INVS: variants seen among roughly 807,000 people sequenced by gnomAD.
The protein encoded by INVS is inversin, also known as inversion of embryo turning homolog.
A neutral mutation model predicts 108.8 loss-of-function variants in INVS; 86 were observed. That is an observed-to-expected ratio of 0.79 (90% CI 0.66 to 0.95). The LOEUF is 0.95. Ranked by LOEUF, INVS falls within the 40% of genes least tolerant of loss-of-function variation. The probability of loss-of-function intolerance (pLI) is 0.00; values close to 1 mark genes in which losing one functional copy is unlikely to be tolerated. For missense variants in INVS, 1,169 were observed against 1,297.4 expected (o/e 0.90, Z 1.52); for synonymous variants, 455 against 473.5 (o/e 0.96, Z 0.51).
At chr9:100,205,918 A>T (rs1830662546) in intron 3 of INVS, among the ~76,000 whole-genome samples, 1 of 152,114 alleles carries the variant, frequency 6.6e-6, no homozygotes, top group Non-Finnish European at 1.5e-5. Context: ...GTTAGAAGGA[A>T]TCCTAGAAAT....
intron 3 of INVS, among the ~76,000 whole-genome samples, chr9:100,144,872 T>C (rs542280903): frequency 5.8e-4 from 88 of 151,446 alleles, no homozygotes; most frequent in Middle Eastern, 3.4e-3. Flanking sequence ...AGAAGGAGGA[T>C]TGGGGAGGAA....
intron 5 of INVS, among the ~76,000 whole-genome samples, chr9:100,232,197 G>A (rs1250231416): frequency 1.3e-5 from 2 of 151,144 alleles, no homozygotes; most frequent in East Asian, 1.9e-4. Context: ...ACTTTTTAAT[G>A]AGTTTTTTTT....
Position 100,273,042 on chromosome 9 carries a change from A to C in INVS, c.1750A>C (p.Lys584Gln). ...AFRDRKNLLM[K>Q]HEQLRKDAAA... is the part of the protein sequence containing the mutation. Reference sequence around the variant, plus strand: ...CCGAGACAGGAAAAATCTCCTCATGAAGCATGAACAGTTGAGAAAAGATGC... The same window carrying C: ...CCGAGACAGGAAAAATCTCCTCATGCAGCATGAACAGTTGAGAAAAGATGC... The change falls in exon 12 of 17, where the codon AAG becomes CAG. Residue 584 changes from lysine to glutamine, a missense_variant. Physicochemically the swap from Lys to Gln is moderately conservative, Grantham distance 53 (BLOSUM62 1). This residue lies in a region of INVS where 271 missense variants were observed against 363.8 expected (regional missense o/e 0.74). Coordinates refer to ENST00000262457, the MANE Select transcript of INVS (RefSeq NM_014425.5). 1 of 1,614,072 alleles carries C rather than the reference A, an allele frequency of 6.2e-7. No homozygotes were observed. Among genetic ancestry groups the C allele is most frequent in the Non-Finnish European group, 8.5e-7 (1 of 1,180,006 alleles).
intron 16 of INVS, among the ~76,000 whole-genome samples, chr9:100,299,553 A>AC: frequency 1.2e-5 from 1 of 82,736 alleles, no homozygotes; most frequent in Non-Finnish European, 2.4e-5. Context: ...TTATTGACAC[A>AC]CAACACACAC....
chr9:100,254,634 T>C (rs1357758360), intron 10 of INVS, among the ~76,000 whole-genome samples: 1 of 152,218 alleles, frequency 6.6e-6, no homozygotes, highest in Non-Finnish European at 1.5e-5. Flanking sequence ...TTTCTACATG[T>C]GGCTAGCCAG....
chr9:100,240,805 C>G (rs1831846285), intron 6 of INVS, among the ~76,000 whole-genome samples: 1 of 151,392 alleles, frequency 6.6e-6, no homozygotes, highest in Admixed American at 6.6e-5. Flanking sequence ...TTCCTGCTAT[C>G]TTTCTATTCT....
At chr9:100,279,048 T>C (rs1337478901) in intron 12 of INVS, among the ~76,000 whole-genome samples, 1 of 152,190 alleles carries the variant, frequency 6.6e-6, no homozygotes, top group Non-Finnish European at 1.5e-5. Flanking sequence ...GAAGAACAAA[T>C]GCAGGTAAAT....
Position 100,253,028 on chromosome 9 carries a change from G to C in INVS, c.1356G>C (p.Gln452His), listed in dbSNP as rs1193824193. 2 of 1,613,886 alleles carry C rather than the reference G, an allele frequency of 1.2e-6. No individual in the cohort carries two copies. ...LIENKINPNV[Q>H]DYAGRTPLQC... ...AAAATAAGATCAATCCAAATGTCCA[G>C]GATTATGCAGGAAGAACCCCTTTGC... is the stretch of plus-strand genomic sequence containing the variant. Residue 452 changes from glutamine to histidine, a missense_variant, in exon 10 of 17, where the codon CAG (glutamine) becomes CAC (histidine). Physicochemically the swap from Gln to His is conservative, Grantham distance 24. This residue lies in a region of INVS where 271 missense variants were observed against 363.8 expected (regional missense o/e 0.74). Transcript: ENST00000262457.
chr9:100,269,996 A>G (rs1011003864), intron 11 of INVS, among the ~76,000 whole-genome samples: 5 of 152,210 alleles, frequency 3.3e-5, no homozygotes, highest in Admixed American at 6.5e-5. Context: ...CAAGTCTGCA[A>G]CGTATTACAT....
chr9:100,249,318 G>C (rs1832147409), intron 8 of INVS, among the ~76,000 whole-genome samples: 1 of 151,948 alleles, frequency 6.6e-6, no homozygotes, highest in Admixed American at 6.6e-5. Flanking sequence ...TTAGTTTTAA[G>C]GTGACTTCTA....
intron 12 of INVS, 23 bp from the exon 13 acceptor site, chr9:100,284,294 ATCT>A (rs1399545448): frequency 5.0e-6 from 8 of 1,612,912 alleles, no homozygotes; most frequent in South Asian, 1.1e-5. Flanking sequence ...AAATTTTTTC[ATCT>A]TCTTCTTTGG....
chr9:100,117,619 C>T (rs1466431986), intron 2 of INVS: 1 of 635,106 alleles, frequency 1.6e-6, no homozygotes, highest in Non-Finnish European at 2.7e-6. Context: ...GCCCCCCCCG[C>T]CCACCTCCCG....
intron 3 of INVS, among the ~76,000 whole-genome samples, chr9:100,147,207 C>G (rs1477806535): frequency 2.0e-5 from 3 of 152,148 alleles, no homozygotes; most frequent in Non-Finnish European, 4.4e-5. Context: ...CTTCTGTAGA[C>G]CTCTATAGGC....
intron 3 of INVS, among the ~76,000 whole-genome samples, chr9:100,205,981 G>A (rs1044198220): frequency 3.9e-5 from 6 of 152,060 alleles, no homozygotes; most frequent in Admixed American, 3.3e-4. Context: ...GACAGTTTGT[G>A]AATCATGCTC....
chr9:100,160,650 A>G (rs1829140681), intron 3 of INVS, among the ~76,000 whole-genome samples: 1 of 151,912 alleles, frequency 6.6e-6, no homozygotes, highest in South Asian at 2.1e-4. Flanking sequence ...ACATTTAAAT[A>G]TCCCACTGTA....
chr9:100,256,314 T>C (rs1224508813), intron 10 of INVS, among the ~76,000 whole-genome samples: 1 of 152,240 alleles, frequency 6.6e-6, no homozygotes, highest in Non-Finnish European at 1.5e-5. Flanking sequence ...TTTTCTTCTT[T>C]ATTAGTCTTG....
chr9:100,241,862 A>G (rs1831884643), intron 6 of INVS, among the ~76,000 whole-genome samples: 1 of 152,154 alleles, frequency 6.6e-6, no homozygotes, highest in Non-Finnish European at 1.5e-5. Context: ...TCTGAAAGCA[A>G]TAGAGTGTAT....
At chr9:100,202,076 A>T (rs1164464567) in intron 3 of INVS, among the ~76,000 whole-genome samples, 1 of 148,328 alleles carries the variant, frequency 6.7e-6, no homozygotes, top group Non-Finnish European at 1.5e-5. Context: ...GGTGTTGAAA[A>T]GCAGTTATTA....
At chr9:100,189,386 T>A (rs1464937267) in intron 3 of INVS, among the ~76,000 whole-genome samples, 1 of 151,976 alleles carries the variant, frequency 6.6e-6, no homozygotes, top group Non-Finnish European at 1.5e-5. Context: ...CTAAAAACTT[T>A]CCTCTTACTA....
Sources: allele counts gnomAD v4.1 joint callset (sites outside exome capture counted in the v4.1 genomes callset), GRCh38; gene constraint gnomAD v4.1.1; regional missense constraint gnomAD v4.1.1; transcripts MANE v1.5; gene names NCBI Gene and HGNC (gene_info 2026-07-23, HGNC 2026-07-21).